Variants in RXFP1 observed in about 807,000 individuals in gnomAD.
RXFP1 encodes the protein relaxin family peptide receptor 1.
Under a neutral mutation model 89.8 loss-of-function variants are expected in RXFP1, and 73 were observed. The observed-to-expected ratio is 0.81, with a 90% CI of 0.67 to 0.99. The LOEUF is 0.99. Among genes scored for constraint, RXFP1 ranks in the 50% least tolerant of loss-of-function variants. The pLI, the probability that RXFP1 is intolerant of heterozygous loss-of-function variation, is 0.00. For synonymous variants in RXFP1, 277 were observed against 305.5 expected (o/e 0.91, Z 0.97); for missense variants, 793 against 895.5 (o/e 0.89, Z 1.46).
At chr4:158,560,346 T>C (rs922092908) in intron 1 of RXFP1, among the ~76,000 whole-genome samples, 1 of 152,212 alleles carries the variant, frequency 6.6e-6, no homozygotes, top group Non-Finnish European at 1.5e-5. Flanking sequence ...GGCATTTGTA[T>C]GGCAGTTCAC....
chr4:158,625,725 T>C (rs1766568545), intron 9 of RXFP1, among the ~76,000 whole-genome samples: 1 of 152,146 alleles, frequency 6.6e-6, no homozygotes, highest in South Asian at 2.1e-4. Flanking sequence ...CTTCTATTAA[T>C]ACTTTCCATG....
At chr4:158,576,540 G>A (rs754157374) in intron 2 of RXFP1, among the ~76,000 whole-genome samples, 1 of 151,952 alleles carries the variant, frequency 6.6e-6, no homozygotes, top group Non-Finnish European at 1.5e-5. Context: ...TCTAATACAC[G>A]CTAAGTTTTG....
chr4:158,597,343 T>G (rs1277425464), intron 3 of RXFP1, among the ~76,000 whole-genome samples: 1 of 152,164 alleles, frequency 6.6e-6, no homozygotes, highest in Non-Finnish European at 1.5e-5. Flanking sequence ...AAAATTTAAG[T>G]TTAAAGGATT....
intron 1 of RXFP1, among the ~76,000 whole-genome samples, chr4:158,530,830 C>T (rs1743847075): frequency 6.6e-6 from 1 of 152,158 alleles, no homozygotes; most frequent in Non-Finnish European, 1.5e-5. Context: ...ATTTTCTCAA[C>T]CACTGAGCAT....
chr4:158,617,066 C>A, intron 8 of RXFP1, 65 bp from the exon 9 acceptor site: 2 of 1,040,986 alleles, frequency 1.9e-6, no homozygotes, highest in South Asian at 1.4e-5. Flanking sequence ...ATAATAATAC[C>A]ATGTTTGACC....
Position 158,612,167 on chromosome 4 carries a change from G to A in RXFP1, c.574G>A (p.Gly192Ser). Reference sequence around the variant, plus strand: ...TAACAGAATAACCTTCCTGAAGCCGGGTGTTTTTGAAGATCTTCACAGACT... The same window carrying A: ...TAACAGAATAACCTTCCTGAAGCCGAGTGTTTTTGAAGATCTTCACAGACT... The part of the protein sequence containing the change: ...SHNRITFLKP[G>S]VFEDLHRLEW... Residue 192 changes from glycine to serine, a missense_variant, in exon 7 of 18, where the codon GGT (glycine) becomes AGT (serine). By Grantham distance (56) the Gly-to-Ser change is moderately conservative. Coordinates refer to ENST00000307765, the MANE Select transcript of RXFP1 (RefSeq NM_021634.4). The A allele has an allele frequency of 6.2e-7, 1 of 1,611,180 alleles. No individual in the cohort carries two copies. The highest frequency in any genetic ancestry group is 8.5e-7 in the Non-Finnish European group (1 of 1,179,140).
chr4:158,609,884 T>G (rs573847761), intron 6 of RXFP1, among the ~76,000 whole-genome samples: 3 of 152,246 alleles, frequency 2.0e-5, no homozygotes, highest in Non-Finnish European at 4.4e-5. Context: ...AGGAAGCTCT[T>G]GAAAGGCAGT....
At chr4:158,597,111 T>A (rs547869661) in intron 3 of RXFP1, among the ~76,000 whole-genome samples, 2 of 152,280 alleles carry the variant, frequency 1.3e-5, no homozygotes, top group East Asian at 3.9e-4. Context: ...AAAAATAGAA[T>A]GGCAAGTGTA....
intron 4 of RXFP1, among the ~76,000 whole-genome samples, chr4:158,602,186 T>C (rs1761812038): frequency 6.6e-6 from 1 of 152,238 alleles, no homozygotes; most frequent in South Asian, 2.1e-4. Context: ...TAGGATATTG[T>C]GAAATGTAGA....
intron 1 of RXFP1, among the ~76,000 whole-genome samples, chr4:158,571,700 C>T (rs1365695185): frequency 6.6e-6 from 1 of 151,414 alleles, no homozygotes; most frequent in Non-Finnish European, 1.5e-5. Flanking sequence ...AATGGTAAAA[C>T]AGTCCTCGGT....
At chr4:158,612,488 C>A (rs1256158128) in intron 8 of RXFP1, 126 bp downstream of exon 8, 2 of 643,802 alleles carry the variant, frequency 3.1e-6, no homozygotes, top group South Asian at 2.3e-5. Context: ...CAATGAAAAA[C>A]CTTTTCTTAA....
chr4:158,610,291 T>A (rs1763338594), intron 6 of RXFP1, among the ~76,000 whole-genome samples: 3 of 152,120 alleles, frequency 2.0e-5, no homozygotes, highest in South Asian at 4.1e-4. Flanking sequence ...AATCATTAGA[T>A]ACCTGATGAT....
At chr4:158,615,311 C>A (rs1043339438) in intron 8 of RXFP1, among the ~76,000 whole-genome samples, 2 of 151,592 alleles carry the variant, frequency 1.3e-5, no homozygotes, top group Non-Finnish European at 2.9e-5. Context: ...CCAAGGCGGG[C>A]AGATCATCTG....
chr4:158,608,048 G>T lies in RXFP1; in HGVS notation c.536+5G>T. The T allele has an allele frequency of 6.3e-7, 1 of 1,576,264 alleles. No individual in the cohort carries two copies. Among genetic ancestry groups the T allele is most frequent in the Non-Finnish European group, 8.7e-7 (1 of 1,148,144 alleles). The stretch of plus-strand genomic sequence containing the variant: ...ACTGAATAGCCTTACTAAACTGTAA[G>T]TACCAGTGTGAATTAATTTGCCCAT... On this transcript the variant is annotated splice_donor_5th_base_variant and intron_variant, in intron 6 of 17. Coordinates refer to ENST00000307765, the MANE Select transcript of RXFP1 (RefSeq NM_021634.4).
intron 1 of RXFP1, among the ~76,000 whole-genome samples, chr4:158,564,222 T>C (rs944710087): frequency 1.3e-5 from 2 of 152,160 alleles, no homozygotes; most frequent in Admixed American, 6.6e-5. Context: ...TGTTTTCATA[T>C]TTTACCCCAT....
intron 14 of RXFP1, among the ~76,000 whole-genome samples, chr4:158,644,582 A>G (rs758950035): frequency 1.3e-5 from 2 of 152,192 alleles, no homozygotes; most frequent in Non-Finnish European, 2.9e-5. Context: ...ATTTACGTAT[A>G]CTAACCATTG....
At chr4:158,569,106 G>T (rs1754483062) in intron 1 of RXFP1, among the ~76,000 whole-genome samples, 1 of 152,188 alleles carries the variant, frequency 6.6e-6, no homozygotes, top group Non-Finnish European at 1.5e-5. Context: ...CTGCACACAG[G>T]TGTTTATAGC....
At chr4:158,593,729 G>A (rs568832092) in intron 3 of RXFP1, among the ~76,000 whole-genome samples, 6 of 152,302 alleles carry the variant, frequency 3.9e-5, no homozygotes, top group African/African-American at 1.4e-4. Context: ...GGGATCTTAA[G>A]TGTAGAAGTA....
chr4:158,630,751 G>A (rs1245661855), intron 11 of RXFP1, among the ~76,000 whole-genome samples: 1 of 152,138 alleles, frequency 6.6e-6, no homozygotes, highest in Non-Finnish European at 1.5e-5. Flanking sequence ...AGATTCACCA[G>A]GACAAAAATA....
Sources: allele counts gnomAD v4.1 joint callset (sites outside exome capture counted in the v4.1 genomes callset), GRCh38; gene constraint gnomAD v4.1.1; transcripts MANE v1.5; gene names NCBI Gene and HGNC (gene_info 2026-07-23, HGNC 2026-07-21).